The following LRP5 variants were observed in gnomAD, a reference collection of about 807,000 sequenced individuals.
LRP5 encodes the protein low-density lipoprotein receptor-related protein 5.
LRP5 carries 62 observed loss-of-function variants against 154.1 expected under a neutral mutation model. That is an observed-to-expected ratio of 0.40 (90% CI 0.33 to 0.50). LRP5 has a LOEUF of 0.50. LRP5 is among the 20% of genes least tolerant of loss of function. The pLI is 0.55. For synonymous variants in LRP5, 966 were observed against 1,011.5 expected (o/e 0.96, Z 0.85); for missense variants, 1,915 against 2,336.7 (o/e 0.82, Z 3.72).
chr11:68,326,491 C>T (rs2098599759), intron 1 of LRP5, among the ~76,000 whole-genome samples: 1 of 152,260 alleles, frequency 6.6e-6, no homozygotes, highest in Admixed American at 6.5e-5. Context: ...TGCCCAAGGT[C>T]CCTGCCCACC....
At chr11:68,400,633 C>T (rs891574062) in intron 7 of LRP5, among the ~76,000 whole-genome samples, 3 of 152,056 alleles carry the variant, frequency 2.0e-5, no homozygotes, top group African/African-American at 7.2e-5. Flanking sequence ...CCAGCTAAGG[C>T]AGGAGAATCG....
chr11:68,344,732 G>A (rs921130478), intron 1 of LRP5, among the ~76,000 whole-genome samples: 5 of 151,180 alleles, frequency 3.3e-5, no homozygotes, highest in African/African-American at 4.9e-5. Context: ...TTTGCCTACC[G>A]TAAGTACCTC....
At chr11:68,321,944 C>G (rs1261357641) in intron 1 of LRP5, among the ~76,000 whole-genome samples, 1 of 152,194 alleles carries the variant, frequency 6.6e-6, no homozygotes, top group Non-Finnish European at 1.5e-5. Flanking sequence ...AGGCTCTGGC[C>G]ACCTTGGGTT....
rs2098620358 is a variant in LRP5 at position 68,353,347 on chromosome 11, C to G, written c.489-4303C>G. Among the ~76,000 whole-genome samples, 1 of 152,160 alleles carries G rather than the reference C, an allele frequency of 6.6e-6. No individual in the cohort carries two copies. The highest frequency in any genetic ancestry group is 1.5e-5 in the Non-Finnish European group (1 of 68,032). Reference sequence around the variant, plus strand: ...GAGTGAAAACAGTGAGATGCCGGCTCCCACTCATCAGATCCAGTGATGCTG... The same window carrying G: ...GAGTGAAAACAGTGAGATGCCGGCTGCCACTCATCAGATCCAGTGATGCTG... On this transcript the variant is annotated intron_variant, in intron 2 of 22. Coordinates refer to ENST00000294304, the MANE Select transcript of LRP5 (RefSeq NM_002335.4). The surrounding 1 kb of genome is among the most constrained non-coding windows in gnomAD (Gnocchi z 4.5).
intron 5 of LRP5, among the ~76,000 whole-genome samples, chr11:68,376,701 A>G (rs1049350897): frequency 1.3e-5 from 2 of 152,232 alleles, no homozygotes; most frequent in Non-Finnish European, 2.9e-5. Context: ...TGTCATGAGC[A>G]GTACAAGTAA....
intron 18 of LRP5, among the ~76,000 whole-genome samples, chr11:68,436,102 C>T (rs953420680): frequency 6.6e-6 from 1 of 152,238 alleles, no homozygotes; most frequent in Admixed American, 6.5e-5. Context: ...TCTAGCTTCT[C>T]CTCCCGTGTG....
At chr11:68,408,970 G>A (rs1455585921) in intron 9 of LRP5, among the ~76,000 whole-genome samples, 1 of 147,502 alleles carries the variant, frequency 6.8e-6, no homozygotes, top group East Asian at 2.0e-4. Context: ...GATTGCTTGA[G>A]CCCCAGGAGG....
At chr11:68,419,093 C>T (rs1346087497) in intron 13 of LRP5, among the ~76,000 whole-genome samples, 1 of 152,146 alleles carries the variant, frequency 6.6e-6, no homozygotes, top group Non-Finnish European at 1.5e-5. Flanking sequence ...GGCTTTGATT[C>T]TTTATTAGGA....
intron 1 of LRP5, among the ~76,000 whole-genome samples, chr11:68,318,135 A>C (rs2098594500): frequency 6.6e-6 from 1 of 150,454 alleles, no homozygotes. Context: ...GCTCACTGCA[A>C]GCTCCACCTC....
At chr11:68,367,487 G>T (rs1328824864) in intron 5 of LRP5, among the ~76,000 whole-genome samples, 3 of 152,262 alleles carry the variant, frequency 2.0e-5, no homozygotes, top group Non-Finnish European at 4.4e-5. Flanking sequence ...AGGAGGGGGT[G>T]CCTCGGCTGC....
chr11:68,434,140 C>G (rs1332211544), intron 18 of LRP5, among the ~76,000 whole-genome samples: 2 of 152,162 alleles, frequency 1.3e-5, no homozygotes, highest in African/African-American at 4.8e-5. Flanking sequence ...CCATGGCTCA[C>G]ACCCTGGAAA....
intron 1 of LRP5, among the ~76,000 whole-genome samples, chr11:68,336,814 T>C (rs1003711835): frequency 1.3e-5 from 2 of 152,214 alleles, no homozygotes; most frequent in Non-Finnish European, 2.9e-5. Flanking sequence ...ATAACACTTA[T>C]CGTCGTAACC....
chr11:68,355,715 T>C (rs2098622594), intron 2 of LRP5, among the ~76,000 whole-genome samples: 1 of 152,188 alleles, frequency 6.6e-6, no homozygotes, highest in African/African-American at 2.4e-5. Flanking sequence ...GCCCTGAGGA[T>C]GTGCTTGTTT....
chr11:68,352,319 C>T (rs1294484488), intron 2 of LRP5, among the ~76,000 whole-genome samples: 1 of 152,210 alleles, frequency 6.6e-6, no homozygotes, highest in Non-Finnish European at 1.5e-5. Context: ...CACTCTGTGC[C>T]TCAGTATCCT....
chr11:68,420,241 AC>A (rs1223226143), intron 13 of LRP5, among the ~76,000 whole-genome samples: 1 of 152,158 alleles, frequency 6.6e-6, no homozygotes, highest in African/African-American at 2.4e-5. Context: ...TCTGACAGCC[AC>A]CATTCTACTT....
intron 1 of LRP5, among the ~76,000 whole-genome samples, chr11:68,345,118 C>T (rs1565332697): frequency 6.6e-6 from 1 of 151,834 alleles, no homozygotes; most frequent in African/African-American, 2.4e-5. Context: ...CCGCCTCAGC[C>T]TCCCCAAGTG....
At chr11:68,399,903 A>G (rs1280274638) in intron 7 of LRP5, among the ~76,000 whole-genome samples, 1 of 152,200 alleles carries the variant, frequency 6.6e-6, no homozygotes, top group Non-Finnish European at 1.5e-5. Flanking sequence ...TGCTCATTGC[A>G]AGCCTGATGT....
At chr11:68,308,547 C>T (rs1200621793), upstream of LRP5, among the ~76,000 whole-genome samples, 1 of 152,192 alleles carries the variant, frequency 6.6e-6, no homozygotes, top group African/African-American at 2.4e-5. Flanking sequence ...GGAAGCTCAG[C>T]ACATCCTCCG....
chr11:68,323,356 C>T (rs1381658780), intron 1 of LRP5, among the ~76,000 whole-genome samples: 1 of 152,126 alleles, frequency 6.6e-6, no homozygotes, highest in African/African-American at 2.4e-5. Flanking sequence ...GATCCACTTG[C>T]CTCAGCCTCC....
Sources: allele counts gnomAD v4.1 joint callset (sites outside exome capture counted in the v4.1 genomes callset), GRCh38; gene constraint gnomAD v4.1.1; non-coding constraint Gnocchi (gnomAD v3.1); transcripts MANE v1.5; gene names NCBI Gene and HGNC (gene_info 2026-07-23, HGNC 2026-07-21).